PUDP: variants seen among roughly 807,000 people sequenced by gnomAD.
PUDP encodes pseudouridine 5'-phosphatase, also known as pseudouridine-5'-phosphatase.
In PUDP, 8 loss-of-function variants were observed where a neutral mutation model predicts 9.4. The observed-to-expected ratio is 0.85, with a 90% CI of 0.50 to 1.53. PUDP has a LOEUF of 1.53. PUDP is among the 40% of genes most tolerant of loss of function. The pLI, the probability that PUDP is intolerant of heterozygous loss-of-function variation, is 0.00. For missense variants in PUDP, 188 were observed against 189.7 expected, an observed-to-expected ratio of 0.99 and a Z score of 0.05; for synonymous variants, 99 against 80.7, an observed-to-expected ratio of 1.23 and a Z score of -1.22.
intron 3 of PUDP, among the ~76,000 whole-genome samples, chrX:6,891,718 T>A (rs1927518962): frequency 8.9e-6 from 1 of 112,032 alleles, no homozygotes; most frequent in Non-Finnish European, 1.9e-5. Flanking sequence ...CTGCTCTTAG[T>A]GTCCTCCACC....
Position 7,112,709 on chromosome X carries a change from C to G in PUDP, c.62-6871G>C, listed in dbSNP as rs772728417. Reference sequence around the variant, plus strand: ...TTTTCTTTTTGAGACAAGGTCTCACCTGAGTATAGTAGGGTGATCACATCC... The same window carrying G: ...TTTTCTTTTTGAGACAAGGTCTCACGTGAGTATAGTAGGGTGATCACATCC... On this transcript the variant is annotated intron_variant, in intron 1 of 3. Transcript: ENST00000381077. Among the ~76,000 whole-genome samples, 11 of 111,673 alleles carry G rather than the reference C, an allele frequency of 9.9e-5. No homozygotes were observed. The South Asian group carries it at 4.2e-3, about 42-fold the overall frequency.
intron 1 of PUDP, 99 bp from the exon 2 acceptor site, chrX:7,105,937 T>C (rs778664522): frequency 1.8e-6 from 1 of 549,889 alleles, no homozygotes; most frequent in East Asian, 3.7e-5. Context: ...TCTCATTCCA[T>C]GAACAAAGGC....
intron 2 of PUDP, among the ~76,000 whole-genome samples, chrX:7,083,906 A>C (rs760171231): frequency 9.0e-4 from 100 of 111,152 alleles, no homozygotes; most frequent in Non-Finnish European, 1.5e-3. Flanking sequence ...ACAACAACAA[A>C]AAAAAAAAGA....
intron 1 of PUDP, among the ~76,000 whole-genome samples, chrX:7,012,760 C>A (rs1363843146): frequency 9.0e-6 from 1 of 111,105 alleles, no homozygotes; most frequent in Non-Finnish European, 1.9e-5. Context: ...CTTCTCTCTG[C>A]AAATGGGTTG....
At chrX:6,730,515 C>T (rs1924796658) in intron 3 of PUDP, among the ~76,000 whole-genome samples, 1 of 111,719 alleles carries the variant, frequency 9.0e-6, no homozygotes, top group African/African-American at 3.3e-5. Context: ...GTTTTGTGTG[C>T]TTCTGAGAAG....
At chrX:6,706,227 T>A (rs1924467866) in intron 2 of PUDP, 1 of 112,358 alleles carries the variant, frequency 8.9e-6, no homozygotes, top group African/African-American at 3.2e-5. Flanking sequence ...GGAGTTTCAC[T>A]TTGGGGAAAA....
chrX:6,872,696 TAAAAA>T (rs199625491), intron 3 of PUDP, among the ~76,000 whole-genome samples: 1 of 63,848 alleles, frequency 1.6e-5, no homozygotes, highest in Non-Finnish European at 3.0e-5. Flanking sequence ...AAGATTCCAT[TAAAAA>T]AAAAAAAAAA....
At chrX:6,987,924 G>C (rs886412837) in intron 1 of PUDP, among the ~76,000 whole-genome samples, 12 of 111,585 alleles carry the variant, frequency 1.1e-4, no homozygotes, top group African/African-American at 2.9e-4. Context: ...TAGGTATTAC[G>C]ATCTCCATTC....
chrX:7,117,964 T>C (rs1238054244), intron 1 of PUDP, among the ~76,000 whole-genome samples: 1 of 113,275 alleles, frequency 8.8e-6, no homozygotes, highest in East Asian at 2.8e-4. Flanking sequence ...GCCACACGCC[T>C]TAGTGGCTTG....
At chrX:6,983,991 C>T (rs1319822542) in intron 1 of PUDP, among the ~76,000 whole-genome samples, 4 of 112,510 alleles carry the variant, frequency 3.6e-5, no homozygotes, top group African/African-American at 1.3e-4. Flanking sequence ...CAATAAATCC[C>T]TTTATTCCTT....
chrX:7,140,279 G>A (rs1384786922), intron 1 of PUDP, among the ~76,000 whole-genome samples: 1 of 111,780 alleles, frequency 8.9e-6, no homozygotes, highest in Admixed American at 9.5e-5. Context: ...ATTAAATGCT[G>A]CATTTATTAA....
chrX:7,089,559 C>G (rs1534275), intron 2 of PUDP, among the ~76,000 whole-genome samples: 1 of 110,103 alleles, frequency 9.1e-6, no homozygotes, highest in Non-Finnish European at 1.9e-5. Context: ...TTTAGCTCTT[C>G]GTTTTATCCT....
At chrX:6,852,224 G>A (rs904675268) in intron 3 of PUDP, among the ~76,000 whole-genome samples, 1 of 112,280 alleles carries the variant, frequency 8.9e-6, no homozygotes, top group Non-Finnish European at 1.9e-5. Flanking sequence ...CTCCCTGCAA[G>A]ACATTGGAAG....
At chrX:7,133,432 T>C (rs1453782852) in intron 1 of PUDP, among the ~76,000 whole-genome samples, 1 of 112,088 alleles carries the variant, frequency 8.9e-6, no homozygotes, top group Non-Finnish European at 1.9e-5. Flanking sequence ...GAAGAGGAAC[T>C]ATCCGTGAAG....
Position 7,050,252 on chromosome X carries a change from G to A in PUDP, c.*44C>T, listed in dbSNP as rs1273735540. On this transcript the variant is annotated 3_prime_UTR_variant, in exon 4 of 4. Coordinates refer to ENST00000381077, the MANE Select transcript of PUDP (RefSeq NM_012080.5). ...CCTTTCCCTTTCCCCCAGCAGTGTG[G>A]ACCATGAGAGTGGGCTGGGGGCGGA... 8.7e-7 allele frequency: 1 copy of A among 1,154,989 alleles called. No homozygotes were observed. The highest frequency in any genetic ancestry group is 3.0e-5 in the East Asian group (1 of 33,322).
intron 3 of PUDP, among the ~76,000 whole-genome samples, chrX:7,056,242 T>C (rs1179412668): frequency 1.8e-5 from 2 of 112,278 alleles, no homozygotes; most frequent in African/African-American, 6.5e-5. Flanking sequence ...GGTGGGTTGC[T>C]CCTTTGAGGG....
At chrX:7,121,434 C>T (rs1932340911) in intron 1 of PUDP, among the ~76,000 whole-genome samples, 1 of 111,752 alleles carries the variant, frequency 8.9e-6, no homozygotes. Flanking sequence ...CACTGGTGAG[C>T]GCACAAAGTA....
At chrX:6,855,124 C>T (rs781566020) in intron 3 of PUDP, among the ~76,000 whole-genome samples, 42 of 108,447 alleles carry the variant, frequency 3.9e-4, no homozygotes, top group African/African-American at 1.4e-3. Flanking sequence ...CTTCCTCCTC[C>T]TCTTCAGCCT....
intron 3 of PUDP, among the ~76,000 whole-genome samples, chrX:6,921,103 G>A (rs1056886452): frequency 3.3e-4 from 37 of 111,163 alleles, no homozygotes; most frequent in Non-Finnish European, 3.4e-4. Context: ...TACCATTCAT[G>A]GCCAGGCACT....
Sources: gnomAD v4.1 joint callset for allele counts (sites outside exome capture counted in the v4.1 genomes callset) on GRCh38, gnomAD v4.1.1 for gene constraint, MANE v1.5 for transcripts, NCBI Gene and HGNC (gene_info 2026-07-23, HGNC 2026-07-21) for gene names.